The following ESRRG variants were observed in gnomAD, a reference collection of about 807,000 sequenced individuals.
ESRRG encodes estrogen-related receptor gamma.
In ESRRG, 13 loss-of-function variants were observed where a neutral mutation model predicts 44.0. The observed-to-expected ratio is 0.30, with a 90% CI of 0.19 to 0.47. The LOEUF (loss-of-function observed/expected upper bound fraction) is 0.47. Among genes scored for constraint, ESRRG ranks in the 20% least tolerant of loss-of-function variants. The pLI is 1.00. For synonymous variants in ESRRG, 215 were observed against 214.6 expected, an observed-to-expected ratio of 1.00 and a Z score of -0.02; for missense variants, 395 against 580.6, an observed-to-expected ratio of 0.68 and a Z score of 3.29.
chr1:217,133,274 C>G (rs183680795), intron 1 of ESRRG, among the ~76,000 whole-genome samples: 76 of 152,386 alleles, frequency 5.0e-4, no homozygotes, highest in Non-Finnish European at 4.0e-4. Context: ...AGCCCTAATG[C>G]TTCACAAAAT....
At chr1:216,648,774 A>T (rs2068220176) in intron 3 of ESRRG, among the ~76,000 whole-genome samples, 1 of 152,132 alleles carries the variant, frequency 6.6e-6, no homozygotes, top group South Asian at 2.1e-4. Context: ...ACAAGTGTTC[A>T]TTGTTGTATT....
chr1:216,832,974 A>G (rs2095509734), intron 2 of ESRRG, among the ~76,000 whole-genome samples: 1 of 147,858 alleles, frequency 6.8e-6, no homozygotes, highest in Non-Finnish European at 1.5e-5. Flanking sequence ...GACTCAGTCA[A>G]AAAAAAAAAA....
intron 3 of ESRRG, among the ~76,000 whole-genome samples, chr1:216,588,607 G>T (rs1216550398): frequency 6.6e-5 from 10 of 152,118 alleles, no homozygotes. Context: ...TTACAATTCT[G>T]TGCTGTAAGT....
intron 3 of ESRRG, among the ~76,000 whole-genome samples, chr1:216,645,018 G>A (rs571794189): frequency 6.6e-6 from 1 of 152,208 alleles, no homozygotes; most frequent in South Asian, 2.1e-4. Context: ...AAACCATACT[G>A]ACTGCACTTC....
chr1:216,596,446 C>T (rs1055580688), intron 3 of ESRRG, among the ~76,000 whole-genome samples: 6 of 152,126 alleles, frequency 3.9e-5, no homozygotes, highest in African/African-American at 1.2e-4. Context: ...GGGAGCCTCC[C>T]GTGGAATAAG....
chr1:216,747,382 C>G (rs142935197), intron 2 of ESRRG, among the ~76,000 whole-genome samples: 3 of 152,170 alleles, frequency 2.0e-5, no homozygotes, highest in Non-Finnish European at 4.4e-5. Flanking sequence ...CTTTGTCTCA[C>G]GTGCTAGGTC....
intron 1 of ESRRG, among the ~76,000 whole-genome samples, chr1:217,131,112 G>A (rs1309998516): frequency 6.6e-6 from 1 of 152,154 alleles, no homozygotes; most frequent in Non-Finnish European, 1.5e-5. Flanking sequence ...TTCTGAAGAA[G>A]TATGCTAAAG....
At position 217,056,824 on chromosome 1, in the gene ESRRG, T is replaced by C. The variant is rs540262559; in HGVS notation, c.-106+32683A>G. Among the ~76,000 whole-genome samples, 17 of 151,734 alleles carry C rather than the reference T, an allele frequency of 1.1e-4. No homozygotes were observed. In the South Asian group the frequency reaches 2.5e-3, roughly 22 times the overall value. On this transcript the variant is annotated intron_variant, in intron 1 of 7. Transcript: ENST00000359162. ...CCAGTTAATGGGGCAAACCACCAAC[T>C]GCCAGAAATTCTGCATGGAATCAGC...
chr1:216,653,746 T>C (rs901950619), intron 2 of ESRRG, among the ~76,000 whole-genome samples: 1 of 152,190 alleles, frequency 6.6e-6, no homozygotes, highest in Non-Finnish European at 1.5e-5. Flanking sequence ...TAATATTTTG[T>C]TATACCTTTC....
At chr1:217,016,562 T>A (rs1032690121) in intron 1 of ESRRG, among the ~76,000 whole-genome samples, 2 of 152,150 alleles carry the variant, frequency 1.3e-5, no homozygotes, top group African/African-American at 4.8e-5. Flanking sequence ...ATCATCCTCA[T>A]CATCATTGTC....
chr1:216,625,835 T>C (rs2063100134), intron 3 of ESRRG, among the ~76,000 whole-genome samples: 1 of 152,234 alleles, frequency 6.6e-6, no homozygotes. Flanking sequence ...TCAGTAATTA[T>C]GTATTTCTTT....
intron 1 of ESRRG, among the ~76,000 whole-genome samples, chr1:217,056,750 C>T (rs928371827): frequency 2.0e-5 from 3 of 150,806 alleles, no homozygotes; most frequent in Non-Finnish European, 2.9e-5. Flanking sequence ...TCCCTGACAA[C>T]ATTTAAAACT....
At chr1:216,769,668 A>G (rs1440663284) in intron 2 of ESRRG, among the ~76,000 whole-genome samples, 2 of 152,128 alleles carry the variant, frequency 1.3e-5, no homozygotes, top group African/African-American at 2.4e-5. Context: ...ATTCTCTTCT[A>G]TTAGAGGTAG....
chr1:216,909,821 C>T (rs2060105003), intron 2 of ESRRG, among the ~76,000 whole-genome samples: 1 of 152,140 alleles, frequency 6.6e-6, no homozygotes, highest in South Asian at 2.1e-4. Flanking sequence ...TTCAATTAAA[C>T]CTAAAAGCAC....
intron 2 of ESRRG, among the ~76,000 whole-genome samples, chr1:216,738,153 A>C (rs1396523980): frequency 6.6e-6 from 1 of 152,136 alleles, no homozygotes; most frequent in Non-Finnish European, 1.5e-5. Context: ...GGTGGGGTCC[A>C]TACAGTGGTA....
intron 2 of ESRRG, among the ~76,000 whole-genome samples, chr1:216,789,478 C>T (rs181622903): frequency 6.6e-6 from 1 of 152,140 alleles, no homozygotes; most frequent in Non-Finnish European, 1.5e-5. Context: ...TAGACCACAG[C>T]ATAGTATAAG....
chr1:217,043,719 TA>T (rs973030593), intron 1 of ESRRG, among the ~76,000 whole-genome samples: 2 of 151,864 alleles, frequency 1.3e-5, no homozygotes, highest in African/African-American at 2.4e-5. Context: ...GTCATATTAC[TA>T]AAAAAAAGTG....
chr1:216,944,605 G>A (rs1354500721), intron 1 of ESRRG, among the ~76,000 whole-genome samples: 1 of 152,040 alleles, frequency 6.6e-6, no homozygotes, highest in Non-Finnish European at 1.5e-5. Context: ...TGAAGATCTT[G>A]GTGGTAATGC....
chr1:217,005,758 A>G (rs2077657913), intron 1 of ESRRG, among the ~76,000 whole-genome samples: 1 of 151,846 alleles, frequency 6.6e-6, no homozygotes, highest in South Asian at 2.1e-4. Flanking sequence ...GTCTAAAACC[A>G]TAGCTTTCTA....
Sources: gnomAD v4.1 joint callset for allele counts (sites outside exome capture counted in the v4.1 genomes callset) on GRCh38, gnomAD v4.1.1 for gene constraint, MANE v1.5 for transcripts, NCBI Gene and HGNC (gene_info 2026-07-23, HGNC 2026-07-21) for gene names.